Variants in GALNT13 observed in about 807,000 individuals in gnomAD.
GALNT13 encodes UDP-GalNAc:polypeptide N-acetylgalactosaminyltransferase 13.
In GALNT13, 28 loss-of-function variants were observed where a neutral mutation model predicts 64.2. The ratio of observed to expected loss-of-function variants is 0.44; its 90% CI spans 0.32 to 0.60. The LOEUF is 0.60. Among genes scored for constraint, GALNT13 ranks in the 20% least tolerant of loss-of-function variants. The pLI, the probability that GALNT13 is intolerant of heterozygous loss-of-function variation, is 0.05. For synonymous variants in GALNT13, 214 were observed against 224.6 expected (o/e 0.95, Z 0.42); for missense variants, 577 against 669.8 (o/e 0.86, Z 1.53).
the GALNT13 span, among the ~76,000 whole-genome samples, chr2:153,688,414 C>G: frequency 6.6e-6 from 1 of 151,980 alleles, no homozygotes; most frequent in African/African-American, 2.4e-5. Flanking sequence ...AATACTTTTA[C>G]TACTTAATAT....
At chr2:153,956,916 C>G (rs920878721) in intron 3 of GALNT13, among the ~76,000 whole-genome samples, 1 of 152,138 alleles carries the variant, frequency 6.6e-6, no homozygotes, top group Non-Finnish European at 1.5e-5. Context: ...TGTAGACTAT[C>G]TCCGAGAACC....
At chr2:154,175,047 C>T (rs1027845982) in intron 4 of GALNT13, among the ~76,000 whole-genome samples, 4 of 152,038 alleles carry the variant, frequency 2.6e-5, no homozygotes, top group Admixed American at 1.3e-4. Flanking sequence ...TTTTCTTGAG[C>T]AAATAATGCA....
In GALNT13 at chr2:154,113,270, C is replaced by G. The variant is rs937308751; in HGVS notation, c.143-27067C>G. The stretch of plus-strand genomic sequence containing the variant: ...AAGCCTCCCTATCTGCCACTGACAC[C>G]TCAAGCACCATGGGATCTGCTGGAT... On this transcript the variant is annotated intron_variant, in intron 3 of 12. Transcript: ENST00000392825. Among the ~76,000 whole-genome samples, 3 of 152,318 alleles carry G rather than the reference C, an allele frequency of 2.0e-5. No individual in the cohort carries two copies. The South Asian group carries it at 6.2e-4, about 32-fold the overall frequency.
chr2:154,051,868 C>A (rs553620693), intron 3 of GALNT13, among the ~76,000 whole-genome samples: 1 of 152,122 alleles, frequency 6.6e-6, no homozygotes, highest in Non-Finnish European at 1.5e-5. Flanking sequence ...AGTGTATTGT[C>A]TTATCCTAAC....
chr2:153,966,020 A>C (rs1693309157), intron 3 of GALNT13, among the ~76,000 whole-genome samples: 1 of 151,890 alleles, frequency 6.6e-6, no homozygotes, highest in Non-Finnish European at 1.5e-5. Context: ...TTGTGAACTT[A>C]CTTTTGCCAG....
rs140823466 is a variant in GALNT13 at position 154,367,108 on chromosome 2, T to C, written c.1157-28883T>C. On this transcript the variant is annotated intron_variant, in intron 9 of 12. Coordinates refer to ENST00000392825, the MANE Select transcript of GALNT13 (RefSeq NM_052917.4). Reference sequence around the variant, plus strand: ...TTGAAATTATATAACAGAGTAAAAATAGAATTCACTTTTTACAGTGTAGAG... The same window carrying C: ...TTGAAATTATATAACAGAGTAAAAACAGAATTCACTTTTTACAGTGTAGAG... Among the ~76,000 whole-genome samples the C allele has an allele frequency of 4.2e-3, 640 of 152,264 alleles. 1 individual carries two copies. Among genetic ancestry groups the C allele is most frequent in the African/African-American group, 0.014 (596 of 41,558 alleles).
At chr2:153,571,081 G>A in the GALNT13 span, among the ~76,000 whole-genome samples, 140,171 of 151,812 alleles carry the variant, frequency 0.92, 64,751 homozygotes, top group Admixed American at 0.93. Flanking sequence ...GATTCTTCCA[G>A]TTCATGAACG....
At chr2:153,959,730 G>A (rs753169815) in intron 3 of GALNT13, among the ~76,000 whole-genome samples, 28 of 152,224 alleles carry the variant, frequency 1.8e-4, no homozygotes, top group Admixed American at 7.8e-4. Flanking sequence ...GAGTTTGGCA[G>A]GGCTGCCTCA....
chr2:154,423,008 G>A (rs192378325), intron 11 of GALNT13, among the ~76,000 whole-genome samples: 163 of 151,844 alleles, frequency 1.1e-3, no homozygotes, highest in African/African-American at 3.6e-3. Context: ...GGTTTGCTGC[G>A]CCCATTAATT....
intron 3 of GALNT13, among the ~76,000 whole-genome samples, chr2:153,963,731 C>CTCTCTG (rs1223478876): frequency 2.0e-4 from 20 of 100,852 alleles, no homozygotes; most frequent in East Asian, 8.8e-4. Context: ...CTCTCTCTCT[C>CTCTCTG]TGTGTGTGTG....
At chr2:153,643,216 CTT>C in the GALNT13 span, among the ~76,000 whole-genome samples, 3 of 151,408 alleles carry the variant, frequency 2.0e-5, no homozygotes, top group South Asian at 4.2e-4. Flanking sequence ...AGAAAAAACA[CTT>C]TTCTGTAATG....
At chr2:153,192,541 T>C in the GALNT13 span, among the ~76,000 whole-genome samples, 1 of 152,144 alleles carries the variant, frequency 6.6e-6, no homozygotes, top group Non-Finnish European at 1.5e-5. Context: ...TTAAATCCAA[T>C]GTTTCTTTGT....
chr2:153,990,819 A>T (rs1332917020), intron 3 of GALNT13, among the ~76,000 whole-genome samples: 1 of 152,214 alleles, frequency 6.6e-6, no homozygotes, highest in Non-Finnish European at 1.5e-5. Flanking sequence ...TCAGATGAAT[A>T]TTTTAGAAAA....
intron 9 of GALNT13, among the ~76,000 whole-genome samples, chr2:154,312,728 G>A (rs1694114192): frequency 6.6e-6 from 1 of 152,148 alleles, no homozygotes; most frequent in East Asian, 1.9e-4. Context: ...AATGATTTAG[G>A]CTTGAGTTGA....
At chr2:154,142,844 A>G (rs1477456340) in intron 4 of GALNT13, among the ~76,000 whole-genome samples, 4 of 151,888 alleles carry the variant, frequency 2.6e-5, no homozygotes, top group Non-Finnish European at 5.9e-5. Context: ...GTGTGTATAT[A>G]TATATATATA....
the GALNT13 span, among the ~76,000 whole-genome samples, chr2:153,553,254 T>C: frequency 1.3e-5 from 2 of 152,278 alleles, no homozygotes; most frequent in South Asian, 4.1e-4. Flanking sequence ...ATCCCAGTCC[T>C]TTGGGAGGTT....
the GALNT13 span, among the ~76,000 whole-genome samples, chr2:153,104,772 A>G: frequency 1.3e-5 from 2 of 152,174 alleles, no homozygotes; most frequent in African/African-American, 4.8e-5. Context: ...TTCATTTGCA[A>G]TGAGAAGAGG....
intron 1 of GALNT13, among the ~76,000 whole-genome samples, chr2:153,882,008 G>A (rs557110483): frequency 5.9e-5 from 9 of 151,858 alleles, no homozygotes; most frequent in South Asian, 2.1e-4. Flanking sequence ...TAGCTTCTTC[G>A]TTTTCAATAG....
chr2:153,708,100 T>C, the GALNT13 span, among the ~76,000 whole-genome samples: 1 of 152,150 alleles, frequency 6.6e-6, no homozygotes, highest in Non-Finnish European at 1.5e-5. Context: ...GGTTCACTTT[T>C]ATTTCCGTCA....
Sources: gnomAD v4.1 joint callset for allele counts (sites outside exome capture counted in the v4.1 genomes callset) on GRCh38, gnomAD v4.1.1 for gene constraint, MANE v1.5 for transcripts, NCBI Gene and HGNC (gene_info 2026-07-23, HGNC 2026-07-21) for gene names.